Variants in IMMP2L observed in about 807,000 individuals in gnomAD.
IMMP2L encodes inner mitochondrial membrane peptidase subunit 2.
Under a neutral mutation model 19.3 loss-of-function variants are expected in IMMP2L, and 18 were observed. The observed-to-expected ratio is 0.93, with a 90% CI of 0.64 to 1.38. The LOEUF (loss-of-function observed/expected upper bound fraction) is 1.38, where lower values mean the gene tolerates loss of function less well. Ranked by LOEUF, IMMP2L falls within the 40% of genes most tolerant of loss-of-function variation. The pLI, the probability that IMMP2L is intolerant of heterozygous loss-of-function variation, is 0.00. For missense variants in IMMP2L, 233 were observed against 218.2 expected (o/e 1.07, Z -0.43); for synonymous variants, 76 against 73.0 (o/e 1.04, Z -0.21).
At chr7:110,904,093 A>C (rs1812205204) in intron 4 of IMMP2L, among the ~76,000 whole-genome samples, 1 of 151,978 alleles carries the variant, frequency 6.6e-6, no homozygotes, top group South Asian at 2.1e-4. Context: ...TTTACTATAG[A>C]GTTGTAGGAG....
intron 3 of IMMP2L, among the ~76,000 whole-genome samples, chr7:111,211,394 T>G (rs1224698442): frequency 6.6e-6 from 1 of 151,978 alleles, no homozygotes; most frequent in African/African-American, 2.4e-5. Context: ...AGGAAAGACA[T>G]AAGAAAGACA....
chr7:111,024,160 T>C (rs1826578952), intron 3 of IMMP2L, among the ~76,000 whole-genome samples: 2 of 152,146 alleles, frequency 1.3e-5, no homozygotes, highest in African/African-American at 4.8e-5. Context: ...TGGGGCAAAA[T>C]TTTAGCAATG....
At chr7:111,242,959 T>C (rs998733038) in intron 3 of IMMP2L, among the ~76,000 whole-genome samples, 1 of 152,152 alleles carries the variant, frequency 6.6e-6, no homozygotes. Context: ...ATTTACTAAG[T>C]TGTATTTTAC....
chr7:111,155,739 A>C (rs1804575649), intron 3 of IMMP2L, among the ~76,000 whole-genome samples: 1 of 152,100 alleles, frequency 6.6e-6, no homozygotes, highest in African/African-American at 2.4e-5. Flanking sequence ...ATATACTTTT[A>C]AAAACTTTTC....
At chr7:111,010,364 G>T (rs185906119) in intron 3 of IMMP2L, among the ~76,000 whole-genome samples, 1 of 151,978 alleles carries the variant, frequency 6.6e-6, no homozygotes, top group Non-Finnish European at 1.5e-5. Context: ...TATTTTCATG[G>T]AGATAGATCT....
At chr7:111,136,630 T>C (rs1192142330) in intron 3 of IMMP2L, among the ~76,000 whole-genome samples, 4 of 152,194 alleles carry the variant, frequency 2.6e-5, no homozygotes, top group Non-Finnish European at 5.9e-5. Context: ...GATGCAGTCC[T>C]CCAGGTGTGC....
At chr7:110,831,109 T>C (rs1803934737) in intron 5 of IMMP2L, among the ~76,000 whole-genome samples, 1 of 152,158 alleles carries the variant, frequency 6.6e-6, no homozygotes, top group African/African-American at 2.4e-5. Context: ...TCTGGCTTCC[T>C]TGCTGCCTGT....
chr7:111,445,855 G>C (rs900681239), intron 3 of IMMP2L, among the ~76,000 whole-genome samples: 2 of 151,340 alleles, frequency 1.3e-5, no homozygotes, highest in African/African-American at 4.9e-5. Context: ...TGCGCGCACC[G>C]TGCGTGAGCC....
intron 3 of IMMP2L, among the ~76,000 whole-genome samples, chr7:111,062,081 T>C (rs1351689224): frequency 6.6e-6 from 1 of 152,180 alleles, no homozygotes; most frequent in Admixed American, 6.5e-5. Context: ...TTCTGTAATT[T>C]AGAGCTCTTC....
intron 3 of IMMP2L, among the ~76,000 whole-genome samples, chr7:111,063,657 G>A (rs371553664): frequency 3.3e-5 from 5 of 151,824 alleles, no homozygotes; most frequent in Admixed American, 2.0e-4. Flanking sequence ...ATGCTTTGCT[G>A]CTTAAAAATT....
chr7:111,389,293 G>A (rs1405666379), intron 3 of IMMP2L, among the ~76,000 whole-genome samples: 1 of 152,130 alleles, frequency 6.6e-6, no homozygotes, highest in Admixed American at 6.6e-5. Context: ...GATTGAAGGA[G>A]AGCAAAGAGC....
chr7:110,802,696 T>G (rs1049014977), intron 5 of IMMP2L, among the ~76,000 whole-genome samples: 1 of 152,068 alleles, frequency 6.6e-6, no homozygotes, highest in Non-Finnish European at 1.5e-5. Flanking sequence ...AAGTATTTAT[T>G]GAACATCTGC....
chr7:111,237,281 T>C (rs1323316451), intron 3 of IMMP2L, among the ~76,000 whole-genome samples: 1 of 152,136 alleles, frequency 6.6e-6, no homozygotes, highest in Non-Finnish European at 1.5e-5. Flanking sequence ...TCCTGTGCCT[T>C]AGATACTGAG....
At chr7:111,420,904 T>C (rs966047465) in intron 3 of IMMP2L, among the ~76,000 whole-genome samples, 1 of 151,806 alleles carries the variant, frequency 6.6e-6, no homozygotes, top group Admixed American at 6.6e-5. Context: ...TGATTTATAA[T>C]CCTTTGGGTA....
chr7:111,554,768 C>A (rs1791070856), intron 1 of IMMP2L, among the ~76,000 whole-genome samples: 1 of 152,044 alleles, frequency 6.6e-6, no homozygotes, highest in African/African-American at 2.4e-5. Context: ...TACATGCCAG[C>A]ATGCCTGACT....
At chr7:111,462,699 C>T (rs1840244940) in intron 3 of IMMP2L, among the ~76,000 whole-genome samples, 1 of 152,008 alleles carries the variant, frequency 6.6e-6, no homozygotes, top group African/African-American at 2.4e-5. Context: ...TGCTTACAGA[C>T]CTAACTAAAA....
chr7:110,883,880 A>C (rs976908306), intron 5 of IMMP2L, among the ~76,000 whole-genome samples: 26 of 151,234 alleles, frequency 1.7e-4, no homozygotes, highest in African/African-American at 6.1e-4. Context: ...AAAACTTCAA[A>C]GTGGAAAGTG....
chr7:111,334,257 ACTCT>A (rs1323718212), intron 3 of IMMP2L, among the ~76,000 whole-genome samples: 4 of 150,198 alleles, frequency 2.7e-5, no homozygotes, highest in Admixed American at 2.0e-4. Flanking sequence ...CTACAAATCT[ACTCT>A]CTGTGTTCTT....
intron 5 of IMMP2L, among the ~76,000 whole-genome samples, chr7:110,725,197 TG>T: frequency 6.6e-6 from 1 of 152,196 alleles, no homozygotes; most frequent in Non-Finnish European, 1.5e-5. Context: ...TTGCCCATCT[TG>T]ATTTTACAGA....
Sources: allele counts gnomAD v4.1 joint callset (sites outside exome capture counted in the v4.1 genomes callset), GRCh38; gene constraint gnomAD v4.1.1; transcripts MANE v1.5; gene names NCBI Gene and HGNC (gene_info 2026-07-23, HGNC 2026-07-21).